Variants in LMOD1 observed in about 807,000 individuals in gnomAD.
The protein encoded by LMOD1 is leiomodin 1.
In LMOD1, 8 loss-of-function variants were observed where a neutral mutation model predicts 36.5. The ratio of observed to expected loss-of-function variants is 0.22; its 90% CI spans 0.13 to 0.40. The LOEUF is 0.40. Among genes scored for constraint, LMOD1 ranks in the 10% least tolerant of loss-of-function variants. LMOD1 has a pLI of 1.00. For missense variants in LMOD1, 630 were observed against 751.1 expected, an observed-to-expected ratio of 0.84 and a Z score of 1.88; for synonymous variants, 284 against 288.7, an observed-to-expected ratio of 0.98 and a Z score of 0.17.
At chr1:201,945,609 T>C (rs1024437636) in intron 1 of LMOD1, among the ~76,000 whole-genome samples, 3 of 152,198 alleles carry the variant, frequency 2.0e-5, no homozygotes, top group Non-Finnish European at 4.4e-5. Flanking sequence ...TGCCGTGAGA[T>C]GCCCATAGGG....
intron 1 of LMOD1, among the ~76,000 whole-genome samples, chr1:201,939,464 A>C (rs938865676): frequency 2.0e-5 from 3 of 152,198 alleles, no homozygotes; most frequent in African/African-American, 7.2e-5. Flanking sequence ...AGTAAGGGGC[A>C]GGAGCAGAAT....
At chr1:201,911,590 G>A (rs1490936203) in intron 1 of LMOD1, among the ~76,000 whole-genome samples, 1 of 152,142 alleles carries the variant, frequency 6.6e-6, no homozygotes, top group Non-Finnish European at 1.5e-5. Context: ...CCTTGAACCC[G>A]GGAGGTGAAG....
intron 1 of LMOD1, among the ~76,000 whole-genome samples, chr1:201,929,910 A>C (rs1319229462): frequency 1.3e-5 from 2 of 152,160 alleles, no homozygotes; most frequent in Admixed American, 1.3e-4. Context: ...GTGAACACAG[A>C]GGTGGAGCAC....
At chr1:201,927,222 C>G (rs916616605) in intron 1 of LMOD1, among the ~76,000 whole-genome samples, 1 of 152,072 alleles carries the variant, frequency 6.6e-6, no homozygotes, top group African/African-American at 2.4e-5. Context: ...GAACTTTGAC[C>G]ACTGGAACAC....
chr1:201,903,940 G>A (rs1347906941), intron 1 of LMOD1, among the ~76,000 whole-genome samples: 3 of 152,150 alleles, frequency 2.0e-5, no homozygotes, highest in South Asian at 2.1e-4. Context: ...TAGCAAGTTC[G>A]GGAAAAGCTG....
intron 1 of LMOD1, among the ~76,000 whole-genome samples, chr1:201,919,766 G>T (rs1251844239): frequency 6.6e-6 from 1 of 152,150 alleles, no homozygotes; most frequent in Non-Finnish European, 1.5e-5. Context: ...CAGATAATCT[G>T]CCAGTGTGGT....
chr1:201,900,946 G>A (rs114783147), intron 1 of LMOD1, among the ~76,000 whole-genome samples, 195 bp from the exon 2 acceptor site: 149 of 152,272 alleles, frequency 9.8e-4, no homozygotes, highest in African/African-American at 3.3e-3. Context: ...CTGCAGAAAT[G>A]GGATGACATC....
rs1682208438 is a variant in LMOD1 at position 201,946,192 on chromosome 1, C to T, written c.149G>A (p.Arg50Gln). Residue 50 changes from arginine to glutamine, a missense_variant, in exon 1 of 3, where the codon CGG (arginine) becomes CAG (glutamine). Around this residue, in one of 3 missense-constraint regions of LMOD1, gnomAD observed 405 missense variants for 400.6 expected, o/e 1.01. Coordinates refer to ENST00000367288, the MANE Select transcript of LMOD1 (RefSeq NM_012134.3). ...CTGTTTCTCCGTCTGGTTTCTCTGC[C>T]GCAGCCCCACGGGAACACTCCCGTC... ...DPDGSVPVGL[R>Q]QRNQTEKQST... 1.9e-6 allele frequency: 3 copies of T among 1,613,898 alleles called. No individual in the cohort carries two copies. The highest frequency in any genetic ancestry group is 2.5e-6 in the Non-Finnish European group (3 of 1,179,902).
intron 1 of LMOD1, among the ~76,000 whole-genome samples, chr1:201,923,408 G>T (rs115230191): frequency 6.6e-6 from 1 of 152,146 alleles, no homozygotes; most frequent in African/African-American, 2.4e-5. Flanking sequence ...TGCACAGTTT[G>T]TTGCAACTTG....
intron 1 of LMOD1, among the ~76,000 whole-genome samples, chr1:201,931,955 G>A (rs1250630888): frequency 1.3e-5 from 2 of 152,070 alleles, no homozygotes; most frequent in African/African-American, 4.8e-5. Flanking sequence ...AGAAGAAGGA[G>A]TGTAGATGTT....
intron 1 of LMOD1, among the ~76,000 whole-genome samples, chr1:201,919,544 C>A (rs2790903): frequency 0.7 from 107,112 of 151,958 alleles, 38,760 homozygotes; most frequent in Non-Finnish European, 0.8. Flanking sequence ...TCAGAAAGCC[C>A]ATTTGGTCCT....
chr1:201,900,825 G>T (rs1392221634), intron 1 of LMOD1, 74 bp from the exon 2 acceptor site: 10 of 1,344,368 alleles, frequency 7.4e-6, no homozygotes, highest in South Asian at 2.9e-5. Context: ...GGGGATGTGT[G>T]GGGGAGCGCT....
Position 201,936,815 on chromosome 1 carries a change from C to T in LMOD1, c.261+9265G>A, listed in dbSNP as rs190238228. 1.9e-3 allele frequency among the ~76,000 whole-genome samples: 294 copies of T among 152,218 alleles called. 3 individuals are homozygous for T. The highest frequency in any genetic ancestry group is 6.8e-3 in the African/African-American group (282 of 41,526). The stretch of plus-strand genomic sequence containing the variant: ...ATTAGCTGGGTGTGGTGGCAGACAC[C>T]TGTAATCCCACCTACTCGGGAGGCT... On this transcript the variant is annotated intron_variant, in intron 1 of 2. Transcript: ENST00000367288.
Position 201,899,229 on chromosome 1 carries a change from C to G in LMOD1, c.1776+8G>C. On this transcript the variant is annotated splice_region_variant and intron_variant, in intron 2 of 2. Coordinates refer to ENST00000367288, the MANE Select transcript of LMOD1 (RefSeq NM_012134.3). This position sits in a 1 kb window ranked among gnomAD's most constrained non-coding sequence, Gnocchi z 6.3. ...CCGCCCTGTTGGCTCATGCCCACAA[C>G]TACTTAACTTCTTGAGCTGCTTGAG... 6.4e-7 allele frequency: 1 copy of G among 1,574,024 alleles called. No homozygotes were observed. Among genetic ancestry groups the G allele is most frequent in the Non-Finnish European group, 8.6e-7 (1 of 1,157,306 alleles).
At chr1:201,938,356 C>G (rs1477839158) in intron 1 of LMOD1, among the ~76,000 whole-genome samples, 1 of 152,036 alleles carries the variant, frequency 6.6e-6, no homozygotes, top group East Asian at 1.9e-4. Flanking sequence ...CTCAAACTCC[C>G]CACCTCAGGT....
Position 201,946,491 on chromosome 1 carries a change from C to G in LMOD1, c.-151G>C, listed in dbSNP as rs1682215463. The G allele has an allele frequency of 1.3e-6, 1 of 785,868 alleles. No homozygotes were observed. The highest frequency in any genetic ancestry group is 2.0e-6 in the Non-Finnish European group (1 of 498,870). 48.7% of individuals were successfully genotyped at this position (785,868 alleles called of 1,614,324 possible). ...GCAGCTCCTTGGCCCTTCTGTGCTACAGGTGCTGAAGTGTTCACTGGACGC... is the reference window on the plus strand; with the variant it reads ...GCAGCTCCTTGGCCCTTCTGTGCTAGAGGTGCTGAAGTGTTCACTGGACGC... On this transcript the variant is annotated 5_prime_UTR_variant, in exon 1 of 3. Coordinates refer to ENST00000367288, the MANE Select transcript of LMOD1 (RefSeq NM_012134.3).
intron 1 of LMOD1, among the ~76,000 whole-genome samples, chr1:201,906,556 C>T (rs1681416658): frequency 6.6e-6 from 1 of 152,178 alleles, no homozygotes; most frequent in Non-Finnish European, 1.5e-5. Context: ...TGTCAAAGGT[C>T]CCCTGGGACA....
intron 1 of LMOD1, among the ~76,000 whole-genome samples, chr1:201,928,542 G>A (rs9787358): frequency 0.29 from 44,456 of 152,104 alleles, 7,220 homozygotes; most frequent in East Asian, 0.7. Flanking sequence ...TCCTGCTCTT[G>A]TGTGTGTGAT....
chr1:201,899,602 T>G lies in LMOD1; in HGVS notation c.1411A>C (p.Met471Leu), dbSNP rs1681258735. 2 of 1,612,764 alleles carry G rather than the reference T, an allele frequency of 1.2e-6. No individual in the cohort carries two copies. Among genetic ancestry groups the G allele is most frequent in the Middle Eastern group, 1.6e-4 (1 of 6,084 alleles). Residue 471 changes from methionine (M) to leucine (L), a missense_variant, in exon 2 of 3, where the codon ATG (methionine) becomes CTG (leucine). This residue lies in a region of LMOD1 where 144 missense variants were observed against 169.8 expected (regional missense o/e 0.85). Coordinates refer to ENST00000367288, the MANE Select transcript of LMOD1 (RefSeq NM_012134.3). The surrounding 1 kb of genome is among the most constrained non-coding windows in gnomAD (Gnocchi z 6.3). ...MTVTNLLSRN[M>L]DKQRQKRLQE... Reference sequence around the variant, plus strand: ...AGCCGCTTTTGTCTCTGCTTGTCCATGTTGCGGCTGAGCAGATTGGTGACA... The same window carrying G: ...AGCCGCTTTTGTCTCTGCTTGTCCAGGTTGCGGCTGAGCAGATTGGTGACA...
Sources: gnomAD v4.1 joint callset for allele counts (sites outside exome capture counted in the v4.1 genomes callset) on GRCh38, gnomAD v4.1.1 for gene constraint, gnomAD v4.1.1 regional missense constraint, Gnocchi (gnomAD v3.1) non-coding constraint, MANE v1.5 for transcripts, NCBI Gene and HGNC (gene_info 2026-07-23, HGNC 2026-07-21) for gene names.